The following RBFOX1 variants were observed in gnomAD, a reference collection of about 807,000 sequenced individuals.
RBFOX1 encodes RNA binding protein fox-1 homolog 1.
RBFOX1 carries 8 observed loss-of-function variants against 57.7 expected under a neutral mutation model. The ratio of observed to expected loss-of-function variants is 0.14; its 90% CI spans 0.08 to 0.25. The LOEUF (loss-of-function observed/expected upper bound fraction) is 0.25, where lower values mean the gene tolerates loss of function less well. RBFOX1 is among the 10% of genes least tolerant of loss of function. The pLI is 1.00. For missense variants in RBFOX1, 611 were observed against 548.5 expected, an observed-to-expected ratio of 1.11 and a Z score of -1.14; for synonymous variants, 326 against 222.4, an observed-to-expected ratio of 1.47 and a Z score of -4.15.
At chr16:6,604,561 G>A (rs1415430860) in intron 2 of RBFOX1, among the ~76,000 whole-genome samples, 1 of 152,152 alleles carries the variant, frequency 6.6e-6, no homozygotes, top group Non-Finnish European at 1.5e-5. Context: ...GAAAATAAAT[G>A]AATAGGTAAA....
At chr16:6,804,043 G>A (rs1297096428) in intron 3 of RBFOX1, among the ~76,000 whole-genome samples, 1 of 151,234 alleles carries the variant, frequency 6.6e-6, no homozygotes, top group African/African-American at 2.4e-5. Context: ...GTCTTGCACT[G>A]TCACCCTGGC....
intron 1 of RBFOX1, among the ~76,000 whole-genome samples, chr16:6,235,027 G>A (rs774880512): frequency 6.6e-6 from 1 of 152,160 alleles, no homozygotes; most frequent in Non-Finnish European, 1.5e-5. Context: ...AAGGTAAAAA[G>A]AGAGGGATCT....
chr16:7,219,658 A>C (rs1214341243), intron 4 of RBFOX1, among the ~76,000 whole-genome samples: 1 of 152,204 alleles, frequency 6.6e-6, no homozygotes, highest in African/African-American at 2.4e-5. Context: ...ACTCGGAGTA[A>C]AACTGGCTCC....
At chr16:6,506,591 C>G (rs921966210) in intron 2 of RBFOX1, among the ~76,000 whole-genome samples, 1 of 139,826 alleles carries the variant, frequency 7.2e-6, no homozygotes, top group Non-Finnish European at 1.5e-5. Flanking sequence ...TTGAATTTGT[C>G]AGTATAAACG....
At chr16:7,340,150 C>G (rs973074907) in intron 4 of RBFOX1, among the ~76,000 whole-genome samples, 1 of 152,244 alleles carries the variant, frequency 6.6e-6, no homozygotes, top group Admixed American at 6.5e-5. Context: ...GCTGCATAGA[C>G]TATGAACGGA....
chr16:6,508,483 A>G (rs374873557), intron 2 of RBFOX1, among the ~76,000 whole-genome samples: 1 of 152,158 alleles, frequency 6.6e-6, no homozygotes, highest in African/African-American at 2.4e-5. Flanking sequence ...CAAAAAGAAA[A>G]CATAATTCAG....
chr16:5,833,068 C>T (rs2056334075), intron 3 of RBFOX1, among the ~76,000 whole-genome samples: 1 of 152,136 alleles, frequency 6.6e-6, no homozygotes, highest in Admixed American at 6.5e-5. Context: ...CCACAGATTT[C>T]TATGGTACAG....
intron 3 of RBFOX1, among the ~76,000 whole-genome samples, chr16:6,731,546 C>T (rs1193810966): frequency 6.6e-6 from 1 of 151,992 alleles, no homozygotes; most frequent in African/African-American, 2.4e-5. Context: ...GTTGCTTTGC[C>T]CATGCACAAT....
chr16:5,487,299 C>G (rs950849910), intron 2 of RBFOX1, among the ~76,000 whole-genome samples: 1 of 152,144 alleles, frequency 6.6e-6, no homozygotes, highest in Non-Finnish European at 1.5e-5. Context: ...TTCTTGAGTT[C>G]GTAGCACAGG....
At chr16:6,659,249 C>T (rs372230067) in intron 3 of RBFOX1, among the ~76,000 whole-genome samples, 16 of 61,892 alleles carry the variant, frequency 2.6e-4, no homozygotes, top group African/African-American at 8.4e-4. Context: ...ATTTTATAAA[C>T]ACAGACAGGG....
At chr16:5,717,597 C>T (rs932871985) in intron 3 of RBFOX1, among the ~76,000 whole-genome samples, 11 of 152,056 alleles carry the variant, frequency 7.2e-5, no homozygotes, top group African/African-American at 2.2e-4. Context: ...TGCGAATATA[C>T]GATATTTGGT....
chr16:6,456,980 G>C (rs1026767884), intron 2 of RBFOX1, among the ~76,000 whole-genome samples: 1 of 152,140 alleles, frequency 6.6e-6, no homozygotes, highest in Admixed American at 6.5e-5. Context: ...CTTAGGAGAA[G>C]ATAGATGTTA....
chr16:6,642,287 C>A (rs2098498199), intron 2 of RBFOX1, among the ~76,000 whole-genome samples: 4 of 152,184 alleles, frequency 2.6e-5, no homozygotes, highest in Admixed American at 1.3e-4. Flanking sequence ...TTATTCACCT[C>A]ATGTGAAAAC....
intron 2 of RBFOX1, among the ~76,000 whole-genome samples, chr16:6,405,531 A>T (rs1467934687): frequency 6.6e-6 from 1 of 152,170 alleles, no homozygotes; most frequent in Non-Finnish European, 1.5e-5. Context: ...ACACCAGCTG[A>T]TCCATGCTTA....
At chr16:6,964,074 A>G (rs1299839786) in intron 3 of RBFOX1, among the ~76,000 whole-genome samples, 1 of 151,698 alleles carries the variant, frequency 6.6e-6, no homozygotes, top group Non-Finnish European at 1.5e-5. Context: ...GCTGGAGTGC[A>G]GTGGTGCATT....
chr16:6,335,791 GA>G (rs1251093700), intron 2 of RBFOX1, among the ~76,000 whole-genome samples: 16 of 118,966 alleles, frequency 1.3e-4, no homozygotes, highest in Middle Eastern at 4.3e-3. Context: ...AAAAAAAAAA[GA>G]AAAAAAAAAG....
At chr16:6,591,296 T>A (rs1313074620) in intron 2 of RBFOX1, among the ~76,000 whole-genome samples, 3 of 152,010 alleles carry the variant, frequency 2.0e-5, no homozygotes, top group South Asian at 2.1e-4. Context: ...AAATATATAT[T>A]TTTTAAGTAT....
intron 3 of RBFOX1, among the ~76,000 whole-genome samples, chr16:5,758,422 G>C (rs1157870003): frequency 6.6e-6 from 1 of 152,164 alleles, no homozygotes; most frequent in African/African-American, 2.4e-5. Context: ...CTCTTAGACT[G>C]GGGGAGAAAG....
chr16:6,607,061 A>C (rs537350838), intron 2 of RBFOX1, among the ~76,000 whole-genome samples: 4 of 152,140 alleles, frequency 2.6e-5, no homozygotes, highest in African/African-American at 9.7e-5. Flanking sequence ...ATGGCTATAC[A>C]TTTTTTAATA....
Sources: gnomAD v4.1 joint callset for allele counts (sites outside exome capture counted in the v4.1 genomes callset) on GRCh38, gnomAD v4.1.1 for gene constraint, MANE v1.5 for transcripts, NCBI Gene and HGNC (gene_info 2026-07-23, HGNC 2026-07-21) for gene names.